Variants in GRIP1 observed in about 807,000 individuals in gnomAD.
The protein encoded by GRIP1 is glutamate receptor interacting protein 1.
A neutral mutation model predicts 129.9 loss-of-function variants in GRIP1; 45 were observed. That is an observed-to-expected ratio of 0.35 (90% CI 0.27 to 0.44). The LOEUF (loss-of-function observed/expected upper bound fraction) is 0.44, where lower values mean the gene tolerates loss of function less well. Among genes scored for constraint, GRIP1 ranks in the 20% least tolerant of loss-of-function variants. The pLI is 1.00. For missense variants in GRIP1, 1,196 were observed against 1,396.8 expected (o/e 0.86, Z 2.29); for synonymous variants, 530 against 520.8 (o/e 1.02, Z -0.24).
intron 1 of GRIP1, among the ~76,000 whole-genome samples, chr12:66,941,927 C>T (rs1054290847): frequency 2.0e-5 from 3 of 152,172 alleles, no homozygotes; most frequent in African/African-American, 4.8e-5. Flanking sequence ...TTATTGAAAA[C>T]TAACTACATG....
chr12:66,894,864 T>C (rs2040719142), intron 1 of GRIP1, among the ~76,000 whole-genome samples: 1 of 152,200 alleles, frequency 6.6e-6, no homozygotes, highest in Non-Finnish European at 1.5e-5. Flanking sequence ...CCAATAACTT[T>C]GACTCCTTGT....
At chr12:66,535,316 A>G (rs1009900442) in intron 4 of GRIP1, among the ~76,000 whole-genome samples, 13 of 152,128 alleles carry the variant, frequency 8.5e-5, no homozygotes, top group African/African-American at 2.2e-4. Context: ...GTCTTTGGCA[A>G]TGGTTTGAGA....
At chr12:66,881,819 C>T (rs926721029) in intron 1 of GRIP1, among the ~76,000 whole-genome samples, 4 of 152,140 alleles carry the variant, frequency 2.6e-5, no homozygotes, top group African/African-American at 9.7e-5. Flanking sequence ...AAGAACTCAG[C>T]TGTAACAAAA....
intron 24 of GRIP1, among the ~76,000 whole-genome samples, chr12:66,350,408 G>A (rs2054170337): frequency 6.6e-6 from 1 of 152,300 alleles, no homozygotes; most frequent in South Asian, 2.1e-4. Flanking sequence ...GCTGAGGCAG[G>A]AGAATCGCTT....
At chr12:66,409,213 T>C (rs1462642558) in intron 15 of GRIP1, among the ~76,000 whole-genome samples, 2 of 152,116 alleles carry the variant, frequency 1.3e-5, no homozygotes, top group Non-Finnish European at 1.5e-5. Flanking sequence ...CTGGCAGCCA[T>C]AGTTGAGACC....
intron 2 of GRIP1, among the ~76,000 whole-genome samples, chr12:66,569,589 C>T (rs778549788): frequency 6.6e-6 from 1 of 152,168 alleles, no homozygotes; most frequent in Non-Finnish European, 1.5e-5. Flanking sequence ...GACATCTGAG[C>T]CCATAGCCTG....
At chr12:66,560,326 C>T (rs1458085926) in intron 2 of GRIP1, among the ~76,000 whole-genome samples, 3 of 151,960 alleles carry the variant, frequency 2.0e-5, no homozygotes, top group Non-Finnish European at 4.4e-5. Flanking sequence ...AATGGGATCA[C>T]ATCAAGTTAA....
chr12:66,761,229 G>C (rs1177917958), intron 1 of GRIP1, among the ~76,000 whole-genome samples: 2 of 151,774 alleles, frequency 1.3e-5, no homozygotes, highest in East Asian at 3.9e-4. Context: ...CCTTTCTTAA[G>C]TACAAGTCTT....
At chr12:66,777,792 T>A (rs1480083476) in intron 1 of GRIP1, among the ~76,000 whole-genome samples, 1 of 152,132 alleles carries the variant, frequency 6.6e-6, no homozygotes, top group Non-Finnish European at 1.5e-5. Flanking sequence ...TGTAAGAAAT[T>A]GTGTTTGACT....
intron 1 of GRIP1, among the ~76,000 whole-genome samples, chr12:66,942,496 C>T (rs990046534): frequency 1.3e-5 from 2 of 152,226 alleles, no homozygotes; most frequent in African/African-American, 4.8e-5. Context: ...TGACTTGACA[C>T]ACGAACTGAA....
At chr12:66,646,246 C>T (rs1016165249) in intron 1 of GRIP1, among the ~76,000 whole-genome samples, 2 of 152,122 alleles carry the variant, frequency 1.3e-5, no homozygotes, top group African/African-American at 4.8e-5. Flanking sequence ...TTTATGTATA[C>T]TTGACTTTCA....
chr12:66,608,162 T>C (rs1045031495), intron 1 of GRIP1, among the ~76,000 whole-genome samples: 1 of 152,140 alleles, frequency 6.6e-6, no homozygotes, highest in South Asian at 2.1e-4. Flanking sequence ...ATCAAACAGA[T>C]GACATGTGTT....
chr12:66,808,281 T>A (rs1035926529), upstream of GRIP1, among the ~76,000 whole-genome samples: 9 of 151,924 alleles, frequency 5.9e-5, no homozygotes, highest in African/African-American at 2.2e-4. Context: ...ATGTTTGTGG[T>A]TTTGTTCTTG....
At chr12:66,810,255 T>C (rs2136949246) in intron 1 of GRIP1, among the ~76,000 whole-genome samples, 1 of 152,264 alleles carries the variant, frequency 6.6e-6, no homozygotes, top group African/African-American at 2.4e-5. Context: ...AAATAGATTT[T>C]CATTTATAAG....
At chr12:66,560,720 A>G (rs2139394192) in intron 2 of GRIP1, among the ~76,000 whole-genome samples, 1 of 152,232 alleles carries the variant, frequency 6.6e-6, no homozygotes, top group African/African-American at 2.4e-5. Flanking sequence ...TGTTGGTGGG[A>G]ATATAAATTA....
intron 1 of GRIP1, among the ~76,000 whole-genome samples, chr12:66,745,041 C>A (rs1592801193): frequency 6.6e-6 from 1 of 152,138 alleles, no homozygotes; most frequent in African/African-American, 2.4e-5. Context: ...TACACGTCAC[C>A]TGATGGCCAT....
At position 66,602,848 on chromosome 12, in the gene GRIP1, C is replaced by CTTTT. The variant is rs71436016; in HGVS notation, c.56-5925_56-5922dup. Among the ~76,000 whole-genome samples, 108 of 71,660 alleles carry CTTTT rather than the reference C, an allele frequency of 1.5e-3. 20 individuals are homozygous for CTTTT. Among genetic ancestry groups the CTTTT allele is most frequent in the African/African-American group, 2.3e-3 (48 of 21,162 alleles). 47.0% of individuals were successfully genotyped at this position (71,660 alleles called of 152,430 possible). ...ATTCCTAAAGGGACCAGATCTTTTG[C>CTTTT]TTTTTTTTTTTTTTTTTTTTTTTTT... On this transcript the variant is annotated intron_variant, in intron 1 of 24. Transcript: ENST00000359742.
At chr12:66,429,780 T>C (rs1400204465) in intron 14 of GRIP1, among the ~76,000 whole-genome samples, 1 of 152,186 alleles carries the variant, frequency 6.6e-6, no homozygotes, top group East Asian at 1.9e-4. Flanking sequence ...TCATCATTAA[T>C]GTTTGTTAGG....
At chr12:66,734,186 G>C (rs1435970215) in intron 1 of GRIP1, among the ~76,000 whole-genome samples, 2 of 152,138 alleles carry the variant, frequency 1.3e-5, no homozygotes, top group Non-Finnish European at 2.9e-5. Flanking sequence ...CTATCATTAA[G>C]GTTGTGTCAG....
Sources: gnomAD v4.1 joint callset for allele counts (sites outside exome capture counted in the v4.1 genomes callset) on GRCh38, gnomAD v4.1.1 for gene constraint, MANE v1.5 for transcripts, NCBI Gene and HGNC (gene_info 2026-07-23, HGNC 2026-07-21) for gene names.